DLL1: variants seen among roughly 807,000 people sequenced by gnomAD.
The protein encoded by DLL1 is delta-like protein 1.
In DLL1, 9 loss-of-function variants were observed where a neutral mutation model predicts 75.1. The observed-to-expected ratio is 0.12, with a 90% CI of 0.07 to 0.21. The LOEUF is 0.21. DLL1 is among the 10% of genes least tolerant of loss of function. The pLI is 1.00. For missense variants in DLL1, 837 were observed against 1,007.6 expected, an observed-to-expected ratio of 0.83 and a Z score of 2.29; for synonymous variants, 477 against 418.3, an observed-to-expected ratio of 1.14 and a Z score of -1.71.
chr6:170,285,507 CA>C, intron 6 of DLL1, 61 bp downstream of exon 6: 2 of 1,614,172 alleles, frequency 1.2e-6, no homozygotes, highest in Non-Finnish European at 1.7e-6. Context: ...AGTGATCAAA[CA>C]GCCAGGGAAG....
Position 170,286,286 on chromosome 6 carries a change from G to A in DLL1, c.683C>T (p.Pro228Leu). 6.2e-7 allele frequency: 1 copy of A among 1,614,180 alleles called. No homozygotes were observed. Residue 228 changes from proline (P) to leucine (L), a missense_variant, in exon 5 of 11, where the codon CCT becomes CTT. By Grantham distance (98) the Pro-to-Leu change is moderately conservative (BLOSUM62 -3). Coordinates refer to ENST00000366756, the MANE Select transcript of DLL1 (RefSeq NM_005618.4). Reference protein sequence around the residue: ...GPYCTEPICLPGCDEQHGFCD... With the variant: ...GPYCTEPICLLGCDEQHGFCD... ...AAATCCATGCTGCTCATCACATCCA[G>A]GCAGGCAGATCGCTACAAGCAAAGG...
intron 2 of DLL1, 160 bp downstream of exon 2, chr6:170,289,352 G>T: frequency 8.3e-7 from 1 of 1,205,386 alleles, no homozygotes; most frequent in Non-Finnish European, 1.2e-6. Context: ...GCGCTGCTGG[G>T]CTGGAGTCCT....
Position 170,290,438 on chromosome 6 carries a change from C to T in DLL1, c.-299G>A, listed in dbSNP as rs1783834769. 5.1e-6 allele frequency: 2 copies of T among 390,704 alleles called. No homozygotes were observed. Among genetic ancestry groups the T allele is most frequent in the South Asian group, 5.8e-5 (1 of 17,206 alleles). 24.2% of individuals were successfully genotyped at this position (390,704 alleles called of 1,614,324 possible). Reference sequence around the variant, plus strand: ...CTTTCGTTTTCCTCCTTCCTCCCAGCCCCCGAGGAGGTGAGGGTCGCCGGC... The same window carrying T: ...CTTTCGTTTTCCTCCTTCCTCCCAGTCCCCGAGGAGGTGAGGGTCGCCGGC... On this transcript the variant is annotated 5_prime_UTR_variant, in exon 1 of 11. Coordinates refer to ENST00000366756, the MANE Select transcript of DLL1 (RefSeq NM_005618.4). This position sits in a 1 kb window ranked among gnomAD's most constrained non-coding sequence, Gnocchi z 4.7.
intron 8 of DLL1, among the ~76,000 whole-genome samples, 193 bp downstream of exon 8, chr6:170,284,726 T>A (rs1184293410): frequency 6.6e-6 from 1 of 152,184 alleles, no homozygotes; most frequent in Non-Finnish European, 1.5e-5. Flanking sequence ...GAGAACTTCA[T>A]AACAAATGCC....
In DLL1 at chr6:170,282,460, A is replaced by C. The variant is rs562970420; in HGVS notation, c.*414T>G. 25 of 252,774 alleles carry C rather than the reference A, an allele frequency of 9.9e-5. No homozygotes were observed. The East Asian group carries it at 2.0e-3, about 20-fold the overall frequency. 15.7% of individuals were successfully genotyped at this position (252,774 alleles called of 1,614,324 possible). Reference sequence around the variant, plus strand: ...TTTTTACAAATCCAAAAAATAACACACATCTTTTCCATCTAGAAAAAGCAC... The same window carrying C: ...TTTTTACAAATCCAAAAAATAACACCCATCTTTTCCATCTAGAAAAAGCAC... On this transcript the variant is annotated 3_prime_UTR_variant, in exon 11 of 11. Coordinates refer to ENST00000366756, the MANE Select transcript of DLL1 (RefSeq NM_005618.4).
At position 170,283,457 on chromosome 6, in the gene DLL1, C is replaced by T. The variant is rs771135690; in HGVS notation, c.1822G>A (p.Gly608Arg). 1.1e-5 allele frequency: 17 copies of T among 1,612,672 alleles called. No individual in the cohort carries two copies. The highest frequency in any genetic ancestry group is 2.2e-5 in the East Asian group (1 of 44,878). The stretch of plus-strand genomic sequence containing the variant: ...TTGGTGTTCTTGATCTGCGTGGCCC[C>T]GATGATGCTGACTGAGATGTCCTTC... ...REKDISVSII[G>R]ATQIKNTNKK... is the part of the protein sequence containing the mutation. Residue 608 changes from glycine to arginine, a missense_variant, in exon 9 of 11, where the codon GGG (glycine) becomes AGG (arginine). This residue lies in a region of DLL1 where 533 missense variants were observed against 545.7 expected (regional missense o/e 0.98). Transcript: ENST00000366756.
At chr6:170,284,516 G>A (rs778235750) in intron 8 of DLL1, among the ~76,000 whole-genome samples, 3 of 152,294 alleles carry the variant, frequency 2.0e-5, no homozygotes, top group Admixed American at 6.5e-5. Context: ...CCAGCCCCTC[G>A]CTGCTAGCAG....
At chr6:170,284,550 G>T (rs1415702176) in intron 8 of DLL1, among the ~76,000 whole-genome samples, 1 of 152,150 alleles carries the variant, frequency 6.6e-6, no homozygotes, top group Non-Finnish European at 1.5e-5. Context: ...CTCACTCAGG[G>T]ACACCCCCAA....
At chr6:170,286,845 C>T (rs1272504291) in intron 4 of DLL1, among the ~76,000 whole-genome samples, 1 of 152,182 alleles carries the variant, frequency 6.6e-6, no homozygotes, top group Non-Finnish European at 1.5e-5. Flanking sequence ...ACCCCTTCCG[C>T]CAATGGGAGC....
intron 8 of DLL1, among the ~76,000 whole-genome samples, chr6:170,284,364 G>C (rs1027073414): frequency 2.6e-5 from 4 of 152,024 alleles, no homozygotes; most frequent in African/African-American, 9.7e-5. Flanking sequence ...CTTAACGAGG[G>C]TGTCCTTGCC....
chr6:170,290,761 A>C lies in DLL1; in HGVS notation c.-622T>G. ...TCCGGGCTCCGATCTCCGGTGTCACAGCAAAGATCCGCGTCTTTCCGATGA... is the reference window on the plus strand; with the variant it reads ...TCCGGGCTCCGATCTCCGGTGTCACCGCAAAGATCCGCGTCTTTCCGATGA... On this transcript the variant is annotated 5_prime_UTR_variant, in exon 1 of 11. Coordinates refer to ENST00000366756, the MANE Select transcript of DLL1 (RefSeq NM_005618.4). The surrounding 1 kb of genome is among the most constrained non-coding windows in gnomAD (Gnocchi z 4.7). 1 of 481,724 alleles carries C rather than the reference A, an allele frequency of 2.1e-6. No individual in the cohort carries two copies. Among genetic ancestry groups the C allele is most frequent in the Non-Finnish European group, 3.7e-6 (1 of 268,948 alleles). 29.8% of individuals were successfully genotyped at this position (481,724 alleles called of 1,614,324 possible).
Position 170,288,406 on chromosome 6 carries a change from C to G in DLL1, c.503G>C (p.Arg168Pro), listed in dbSNP as rs1381920404. The change falls in exon 4 of 11, where the codon CGC becomes CCC. Residue 168 changes from arginine to proline, a missense_variant. Arg to Pro is a moderately radical substitution (Grantham distance 103). Around this residue, in one of 2 missense-constraint regions of DLL1, gnomAD observed 304 missense variants for 461.9 expected, o/e 0.66. Coordinates refer to ENST00000366756, the MANE Select transcript of DLL1 (RefSeq NM_005618.4). ...GCGGTAGGAGTACTTGAGGTCCGTG[C>G]GGCCGCTGCTGTGCAGGTCCTGGGA... ...EWSQDLHSSG[R>P]TDLKYSYRFV... is the part of the protein sequence containing the mutation. 2.5e-6 allele frequency: 4 copies of G among 1,613,938 alleles called. No individual in the cohort carries two copies. The highest frequency in any genetic ancestry group is 2.5e-6 in the Non-Finnish European group (3 of 1,180,054).
rs1783668474 is a variant in DLL1 at position 170,285,133 on chromosome 6, A to T, written c.1035T>A (p.Asp345Glu). The T allele has an allele frequency of 1.9e-6, 3 of 1,611,910 alleles. No homozygotes were observed. The highest frequency in any genetic ancestry group is 2.5e-6 in the Non-Finnish European group (3 of 1,179,294). The change falls in exon 8 of 11, where the codon GAT (aspartate) becomes GAA (glutamate). Residue 345 changes from aspartate to glutamate, a missense_variant and splice_region_variant. By Grantham distance (45) the Asp-to-Glu change is conservative. Coordinates refer to ENST00000366756, the MANE Select transcript of DLL1 (RefSeq NM_005618.4). Reference protein sequence around the residue: ...SPCKNGGSCTDLENSYSCTCP... With the variant: ...SPCKNGGSCTELENSYSCTCP... ...AGGTACAGGAGTAGCTGTTCTCGAG[A>T]TCCTACACGATGGAGAGGTCAGAAA...
rs6929751 is a variant in DLL1 at position 170,283,220 on chromosome 6, G to C, written c.2048+11C>G. 4.3e-6 allele frequency: 7 copies of C among 1,612,492 alleles called. No homozygotes were observed. The highest frequency in any genetic ancestry group is 5.1e-6 in the Non-Finnish European group (6 of 1,179,762). ...GGTACCCCCTCCTGATGCCCGGCCCGCAGCACGCACCCCCTGAGTGTGGTC... is the reference window on the plus strand; with the variant it reads ...GGTACCCCCTCCTGATGCCCGGCCCCCAGCACGCACCCCCTGAGTGTGGTC... On this transcript the variant is annotated intron_variant, in intron 9 of 10. Transcript: ENST00000366756.
At chr6:170,289,375 A>T in intron 2 of DLL1, 137 bp downstream of exon 2, 1 of 1,348,192 alleles carries the variant, frequency 7.4e-7, no homozygotes, top group Non-Finnish European at 1.0e-6. Flanking sequence ...GGCCGCCGCT[A>T]GGCAGATCGC....
At chr6:170,284,291 C>T (rs17860714) in intron 8 of DLL1, among the ~76,000 whole-genome samples, 23 of 152,288 alleles carry the variant, frequency 1.5e-4, no homozygotes, top group Non-Finnish European at 2.5e-4. Context: ...CTGCATTAGT[C>T]GCCACAACAG....
intron 4 of DLL1, among the ~76,000 whole-genome samples, chr6:170,287,237 T>A (rs577505297): frequency 4.6e-5 from 7 of 152,186 alleles, no homozygotes; most frequent in Non-Finnish European, 1.0e-4. Flanking sequence ...AGGCACTCAG[T>A]GAATGGGAAG....
chr6:170,290,439 C>A lies in DLL1; in HGVS notation c.-300G>T. ...TTTCGTTTTCCTCCTTCCTCCCAGC[C>A]CCCGAGGAGGTGAGGGTCGCCGGCT... On this transcript the variant is annotated 5_prime_UTR_variant, in exon 1 of 11. Transcript: ENST00000366756. This position sits in a 1 kb window ranked among gnomAD's most constrained non-coding sequence, Gnocchi z 4.7. 2.6e-6 allele frequency: 1 copy of A among 390,906 alleles called. No individual in the cohort carries two copies. Among genetic ancestry groups the A allele is most frequent in the Middle Eastern group, 6.8e-4 (1 of 1,466 alleles). 24.2% of individuals were successfully genotyped at this position (390,906 alleles called of 1,614,324 possible). A position where few individuals can be genotyped will look rare whatever the true frequency, so the allele number is the denominator to read the frequency against.
At chr6:170,284,254 C>G (rs1477336620) in intron 8 of DLL1, among the ~76,000 whole-genome samples, 1 of 152,196 alleles carries the variant, frequency 6.6e-6, no homozygotes, top group African/African-American at 2.4e-5. Flanking sequence ...AGCATCTGGA[C>G]AGGCGCTGTG....
Sources: allele counts gnomAD v4.1 joint callset (sites outside exome capture counted in the v4.1 genomes callset), GRCh38; gene constraint gnomAD v4.1.1; regional missense constraint gnomAD v4.1.1; non-coding constraint Gnocchi (gnomAD v3.1); transcripts MANE v1.5; gene names NCBI Gene and HGNC (gene_info 2026-07-23, HGNC 2026-07-21).